ITSN2: variants seen among roughly 807,000 people sequenced by gnomAD.
ITSN2 encodes the protein intersectin 2, also known as intersectin-2.
Under a neutral mutation model 243.7 loss-of-function variants are expected in ITSN2, and 156 were observed. The ratio of observed to expected loss-of-function variants is 0.64; its 90% CI spans 0.56 to 0.73. ITSN2 has a LOEUF of 0.73. Ranked by LOEUF, ITSN2 falls within the 30% of genes least tolerant of loss-of-function variation. The pLI, the probability that ITSN2 is intolerant of heterozygous loss-of-function variation, is 0.00. For missense variants in ITSN2, 1,801 were observed against 1,996.1 expected, an observed-to-expected ratio of 0.90 and a Z score of 1.86; for synonymous variants, 703 against 699.9, an observed-to-expected ratio of 1.00 and a Z score of -0.07.
At chr2:24,346,203 A>T (rs1574391477) in intron 1 of ITSN2, among the ~76,000 whole-genome samples, 1 of 152,206 alleles carries the variant, frequency 6.6e-6, no homozygotes, top group Non-Finnish European at 1.5e-5. Flanking sequence ...CTTGACAAAC[A>T]CTACTTTAGC....
rs1238687289 is a variant in ITSN2, at chr2:24,251,421, ATG to A, written c.3120+922_3120+923del. On this transcript the variant is annotated intron_variant, in intron 25 of 39. Transcript: ENST00000355123. ...TGTATATATATATGTGTGTATATATATGTGTATATATATGTGTGTATATATAT... is the reference window on the plus strand; with the variant it reads ...TGTATATATATATGTGTGTATATATATGTATATATATGTGTGTATATATAT... 4.4e-4 allele frequency among the ~76,000 whole-genome samples: 2 copies of A among 4,524 alleles called. 1 individual carries two copies. Among genetic ancestry groups the A allele is most frequent in the Non-Finnish European group, 8.6e-4 (2 of 2,316 alleles). The allele number at this position is 4,524 out of a possible 152,430, so 3.0% of individuals were successfully genotyped here. A position where few individuals can be genotyped will look rare whatever the true frequency, so the allele number is the denominator to read the frequency against.
At chr2:24,342,358 C>T (rs1290196311) in intron 1 of ITSN2, among the ~76,000 whole-genome samples, 2 of 151,436 alleles carry the variant, frequency 1.3e-5, no homozygotes, top group Admixed American at 6.6e-5. Context: ...CTGCCAAGCC[C>T]GGCTAATTTT....
intron 20 of ITSN2, 76 bp downstream of exon 20, chr2:24,270,595 T>C: frequency 2.7e-6 from 2 of 729,256 alleles, no homozygotes; most frequent in Non-Finnish European, 2.4e-6. Context: ...AAATTAATGG[T>C]CAACATTACT....
chr2:24,360,141 C>T (rs554395117), intron 1 of ITSN2, among the ~76,000 whole-genome samples, 163 bp downstream of exon 1: 319 of 152,192 alleles, frequency 2.1e-3, no homozygotes, highest in African/African-American at 7.3e-3. Context: ...CGGCCGAGCC[C>T]GCCAGGGGCC....
chr2:24,312,469 T>C lies in ITSN2; in HGVS notation c.189-94A>G, dbSNP rs902366451. The C allele has an allele frequency of 8.2e-6, 7 of 852,390 alleles. No individual in the cohort carries two copies. The African/African-American group carries it at 8.5e-5, about 10-fold the overall frequency. 52.8% of individuals were successfully genotyped at this position (852,390 alleles called of 1,614,324 possible). On this transcript the variant is annotated intron_variant, in intron 4 of 39. Transcript: ENST00000355123. The stretch of plus-strand genomic sequence containing the variant: ...GATTGACAAAGTAAAAATGATGATA[T>C]GGCATTCACGTGTACATCATCACTA...
chr2:24,328,020 C>A, intron 2 of ITSN2, 32 bp downstream of exon 2: 1 of 1,599,348 alleles, frequency 6.3e-7, no homozygotes, highest in Admixed American at 1.7e-5. Context: ...AAATCCATAA[C>A]CTCATCTTGC....
At chr2:24,313,021 C>A (rs1050306936) in intron 4 of ITSN2, among the ~76,000 whole-genome samples, 1 of 151,430 alleles carries the variant, frequency 6.6e-6, no homozygotes, top group Admixed American at 6.6e-5. Context: ...GAGAACTAAA[C>A]CTGAATTATT....
At chr2:24,250,049 T>C (rs7563234) in intron 25 of ITSN2, among the ~76,000 whole-genome samples, 150,874 of 152,328 alleles carry the variant, frequency 0.99, 74,720 homozygotes, top group East Asian at 1. Flanking sequence ...TTTCACTTAA[T>C]AATGTCTTTA....
chr2:24,219,916 C>T (rs1333256501), intron 30 of ITSN2, among the ~76,000 whole-genome samples: 1 of 152,156 alleles, frequency 6.6e-6, no homozygotes, highest in East Asian at 1.9e-4. Flanking sequence ...ATGGAAAGGC[C>T]GACCAAGGGC....
At chr2:24,306,076 C>T (rs184968741) in intron 8 of ITSN2, among the ~76,000 whole-genome samples, 178 of 152,170 alleles carry the variant, frequency 1.2e-3, no homozygotes, top group African/African-American at 4.1e-3. Context: ...GCCTCCCAGG[C>T]ACAAATAATT....
At chr2:24,267,032 G>T (rs922762718) in intron 20 of ITSN2, among the ~76,000 whole-genome samples, 7 of 152,126 alleles carry the variant, frequency 4.6e-5, no homozygotes, top group Non-Finnish European at 8.8e-5. Context: ...ACAAACCAAA[G>T]TATTTCAATG....
At chr2:24,355,403 G>A (rs941134693) in intron 1 of ITSN2, among the ~76,000 whole-genome samples, 1 of 152,196 alleles carries the variant, frequency 6.6e-6, no homozygotes, top group African/African-American at 2.4e-5. Flanking sequence ...CAATGGAGCA[G>A]AACAGAGACC....
At chr2:24,210,464 T>C in intron 34 of ITSN2, 1 of 294,058 alleles carries the variant, frequency 3.4e-6, no homozygotes, top group Non-Finnish European at 6.3e-6. Flanking sequence ...ATACGAAAAT[T>C]AGCTGGGCAT....
chr2:24,205,350 C>T (rs748219659), intron 37 of ITSN2, 53 bp from the exon 38 acceptor site: 126 of 1,498,452 alleles, frequency 8.4e-5, no homozygotes, highest in Admixed American at 2.2e-4. Context: ...GATGCAGACC[C>T]TGTCTTTCAA....
Position 24,318,267 on chromosome 2 carries a change from G to A in ITSN2, c.32-3043C>T, listed in dbSNP as rs183672245. ...CTCAAGTGATTCTCCCACCTCAGCCGCCTGAGTAGCTGGGACTACAGGTAC... is the reference window on the plus strand; with the variant it reads ...CTCAAGTGATTCTCCCACCTCAGCCACCTGAGTAGCTGGGACTACAGGTAC... On this transcript the variant is annotated intron_variant, in intron 2 of 39. Coordinates refer to ENST00000355123, the MANE Select transcript of ITSN2 (RefSeq NM_006277.3). Among the ~76,000 whole-genome samples the A allele has an allele frequency of 2.0e-3, 301 of 152,112 alleles. 1 individual carries two copies. The highest frequency in any genetic ancestry group is 7.2e-3 in the African/African-American group (297 of 41,510).
At chr2:24,288,381 G>A (rs1679790158) in intron 15 of ITSN2, among the ~76,000 whole-genome samples, 1 of 151,912 alleles carries the variant, frequency 6.6e-6, no homozygotes, top group African/African-American at 2.4e-5. Context: ...TGTATGTCTT[G>A]TAATTGACAA....
rs903281709 is a variant in ITSN2, at chr2:24,312,227, T to C, written c.337A>G (p.Ile113Val). ...ACATACTTACCAAAACGAGCAGAAA[T>C]TAATGGAGAAAACATAGGGGGTTGC... is the stretch of plus-strand genomic sequence containing the variant. ...MKQPPMFSPLISARFGMGSMP... is the reference protein window; with the variant it reads ...MKQPPMFSPLVSARFGMGSMP... The change falls in exon 5 of 40, where the codon ATT (isoleucine) becomes GTT (valine). Residue 113 changes from isoleucine (I) to valine (V), a missense_variant. By Grantham distance (29) the Ile-to-Val change is conservative. This residue lies in a region of ITSN2 where 787 missense variants were observed against 803.9 expected (regional missense o/e 0.98). Transcript: ENST00000355123. The C allele has an allele frequency of 6.2e-7, 1 of 1,608,372 alleles. No homozygotes were observed. The highest frequency in any genetic ancestry group is 8.5e-7 in the Non-Finnish European group (1 of 1,177,020).
intron 29 of ITSN2, among the ~76,000 whole-genome samples, chr2:24,230,213 T>A (rs1671444478): frequency 6.6e-6 from 1 of 152,200 alleles, no homozygotes. Flanking sequence ...TGGATGGCAA[T>A]ATCATCTCTC....
chr2:24,290,586 A>G (rs987935547), intron 15 of ITSN2, among the ~76,000 whole-genome samples: 2 of 152,188 alleles, frequency 1.3e-5, no homozygotes, highest in African/African-American at 4.8e-5. Context: ...CTGTTTTATA[A>G]TAGTTTTTAA....
Sources: gnomAD v4.1 joint callset for allele counts (sites outside exome capture counted in the v4.1 genomes callset) on GRCh38, gnomAD v4.1.1 for gene constraint, gnomAD v4.1.1 regional missense constraint, MANE v1.5 for transcripts, NCBI Gene and HGNC (gene_info 2026-07-23, HGNC 2026-07-21) for gene names.